The following SPRY3 variants were observed in gnomAD, a reference collection of about 807,000 sequenced individuals.
SPRY3 encodes sprouty RTK signaling antagonist 3, also known as protein sprouty homolog 3.
In SPRY3, 15 loss-of-function variants were observed where a neutral mutation model predicts 20.2. That is an observed-to-expected ratio of 0.74 (90% CI 0.50 to 1.14). The LOEUF (loss-of-function observed/expected upper bound fraction) is 1.14. Among genes scored for constraint, SPRY3 ranks in the 50% most tolerant of loss-of-function variants. The pLI is 0.00. For missense variants in SPRY3, 364 were observed against 363.9 expected (o/e 1.00, Z 0.00); for synonymous variants, 143 against 136.5 (o/e 1.05, Z -0.33).
At chrX:155,764,882 A>T (rs763170400) in intron 2 of SPRY3, among the ~76,000 whole-genome samples, 1 of 152,308 alleles carries the variant, frequency 6.6e-6, no homozygotes, top group South Asian at 2.1e-4. Flanking sequence ...TGACTAGATA[A>T]CTTATAAACA....
intron 2 of SPRY3, among the ~76,000 whole-genome samples, chrX:155,748,283 T>C (rs1224636770): frequency 6.6e-6 from 1 of 151,832 alleles, no homozygotes; most frequent in Non-Finnish European, 1.5e-5. Flanking sequence ...TTATAAACCA[T>C]GTTTAAAGTA....
At chrX:155,666,862 G>C (rs2068026020) in intron 2 of SPRY3, among the ~76,000 whole-genome samples, 1 of 110,232 alleles carries the variant, frequency 9.1e-6, no homozygotes, top group Admixed American at 9.7e-5. Flanking sequence ...GCTTTGAGGA[G>C]GTTCAATATT....
intron 2 of SPRY3, among the ~76,000 whole-genome samples, chrX:155,728,355 A>G (rs306912): frequency 0.13 from 19,678 of 152,258 alleles, 2,171 homozygotes; most frequent in African/African-American, 0.31. Context: ...GTTGTCAGAC[A>G]GGGACATTTA....
intron 3 of SPRY3, among the ~76,000 whole-genome samples, chrX:155,770,611 A>T (rs1418984099): frequency 2.0e-5 from 3 of 147,018 alleles, no homozygotes; most frequent in Non-Finnish European, 4.5e-5. Context: ...CTTATTTAAT[A>T]ATATGTGATG....
chrX:155,739,822 C>A (rs1274940426), intron 2 of SPRY3, among the ~76,000 whole-genome samples: 4 of 152,172 alleles, frequency 2.6e-5, no homozygotes, highest in African/African-American at 9.7e-5. Context: ...CAAAGGCCAG[C>A]AACCTCAAAG....
chrX:155,741,953 C>A (rs1256337736), intron 2 of SPRY3, among the ~76,000 whole-genome samples: 1 of 152,052 alleles, frequency 6.6e-6, no homozygotes, highest in Non-Finnish European at 1.5e-5. Flanking sequence ...TGCAAAATAA[C>A]CAGCTAGCAT....
At chrX:155,729,608 AG>A (rs910747993) in intron 2 of SPRY3, among the ~76,000 whole-genome samples, 41 of 152,200 alleles carry the variant, frequency 2.7e-4, no homozygotes, top group Non-Finnish European at 4.6e-4. Flanking sequence ...ATGTTAAAAA[AG>A]AATAAAAACT....
At chrX:155,644,459 C>T (rs1289127929) in intron 1 of SPRY3, among the ~76,000 whole-genome samples, 1 of 110,693 alleles carries the variant, frequency 9.0e-6, no homozygotes, top group African/African-American at 3.3e-5. Context: ...AGGCAGGTCC[C>T]GAGGTACCAT....
intron 3 of SPRY3, among the ~76,000 whole-genome samples, chrX:155,768,630 T>C (rs1569400869): frequency 6.6e-6 from 1 of 152,054 alleles, no homozygotes; most frequent in Non-Finnish European, 1.5e-5. Flanking sequence ...TGGGTAGACA[T>C]GGCGCAAGCT....
chrX:155,614,178 G>A (rs988336558), intron 1 of SPRY3, among the ~76,000 whole-genome samples: 1 of 111,466 alleles, frequency 9.0e-6, no homozygotes, highest in African/African-American at 3.3e-5. Flanking sequence ...CTAAGATCTG[G>A]GTGTAAAATG....
At chrX:155,659,441 A>G (rs1261282431) in intron 2 of SPRY3, among the ~76,000 whole-genome samples, 14 of 110,503 alleles carry the variant, frequency 1.3e-4, no homozygotes, top group African/African-American at 4.6e-4. Flanking sequence ...CACCACACCC[A>G]GCCTTTATTT....
At chrX:155,699,531 G>T (rs140888996) in intron 2 of SPRY3, among the ~76,000 whole-genome samples, 44 of 111,422 alleles carry the variant, frequency 3.9e-4, no homozygotes, top group African/African-American at 1.4e-3. Context: ...TTTGGAGTAA[G>T]ATATCAGTAG....
chrX:155,617,273 C>T (rs1454071928), intron 1 of SPRY3, among the ~76,000 whole-genome samples: 4 of 109,972 alleles, frequency 3.6e-5, no homozygotes, highest in Admixed American at 2.0e-4. Context: ...AGTCAAGGTT[C>T]TTAGTTGCAT....
exon 3 of SPRY3, chrX:155,768,098 C>A (rs2091354874): frequency 6.6e-6 from 1 of 152,012 alleles, no homozygotes; most frequent in Non-Finnish European, 1.5e-5. Flanking sequence ...GGCATTAGTT[C>A]TTCTGCTTTT....
intron 2 of SPRY3, among the ~76,000 whole-genome samples, chrX:155,736,913 G>A (rs2091173925): frequency 6.6e-6 from 1 of 151,844 alleles, no homozygotes; most frequent in South Asian, 2.1e-4. Context: ...TTCAGCTTGG[G>A]AAGCTAATAT....
chrX:155,631,549 T>C (rs2067906445), intron 1 of SPRY3, among the ~76,000 whole-genome samples: 1 of 112,351 alleles, frequency 8.9e-6, no homozygotes, highest in Non-Finnish European at 1.9e-5. Context: ...CTGGACTAAT[T>C]TACATTCCCA....
chrX:155,642,203 A>G (rs1008471013), intron 1 of SPRY3, among the ~76,000 whole-genome samples: 11 of 111,741 alleles, frequency 9.8e-5, no homozygotes, highest in Non-Finnish European at 2.1e-4. Flanking sequence ...GGATATCCTT[A>G]TCACTCAATC....
intron 2 of SPRY3, among the ~76,000 whole-genome samples, chrX:155,729,804 T>G (rs2091121713): frequency 6.6e-6 from 1 of 151,760 alleles, no homozygotes; most frequent in African/African-American, 2.4e-5. Context: ...TTCACAAAAC[T>G]TTAGACAGAC....
At chrX:155,652,198 A>C (rs1557352437) in intron 1 of SPRY3, among the ~76,000 whole-genome samples, 1 of 111,760 alleles carries the variant, frequency 8.9e-6, no homozygotes, top group Non-Finnish European at 1.9e-5. Context: ...TTGACATTAG[A>C]TTTGGGCGGG....
Sources: gnomAD v4.1 joint callset for allele counts (sites outside exome capture counted in the v4.1 genomes callset) on GRCh38, gnomAD v4.1.1 for gene constraint, MANE v1.5 for transcripts, NCBI Gene and HGNC (gene_info 2026-07-23, HGNC 2026-07-21) for gene names.